The following LGALS13 variants were observed in gnomAD, a reference collection of about 807,000 sequenced individuals.
The protein encoded by LGALS13 is galectin 13, also known as galactoside-binding soluble lectin 13.
A neutral mutation model predicts 13.2 loss-of-function variants in LGALS13; 11 were observed. The observed-to-expected ratio is 0.83, with a 90% CI of 0.52 to 1.38. The LOEUF (loss-of-function observed/expected upper bound fraction) is 1.38. Among genes scored for constraint, LGALS13 ranks in the 40% most tolerant of loss-of-function variants. LGALS13 has a pLI of 0.00. For missense variants in LGALS13, 183 were observed against 174.3 expected (o/e 1.05, Z -0.28); for synonymous variants, 71 against 63.7 (o/e 1.11, Z -0.54).
rs779075511 is a variant in LGALS13, at chr19:39,602,554, A to G, written c.-15A>G. 9.9e-6 allele frequency: 16 copies of G among 1,614,014 alleles called. No individual in the cohort carries two copies. The highest frequency in any genetic ancestry group is 7.7e-5 in the South Asian group (7 of 91,080). On this transcript the variant is annotated 5_prime_UTR_variant, in exon 1 of 4. Coordinates refer to ENST00000221797, the MANE Select transcript of LGALS13 (RefSeq NM_013268.3). ...ACTGGACTCAATTCTGAAGGTCGCC[A>G]AGAAGGAGAGAACAATGTCTTCTTT...
At chr19:39,603,870 T>C in intron 1 of LGALS13, 4 of 889,930 alleles carry the variant, frequency 4.5e-6, no homozygotes, top group Non-Finnish European at 5.4e-6. Context: ...AGAAAAATCA[T>C]CTCATCTACT....
rs553021872 is a variant in LGALS13, at chr19:39,602,580, A to G, written c.12A>G (p.Leu4=). 1 of 1,614,168 alleles carries G rather than the reference A, an allele frequency of 6.2e-7. No individual in the cohort carries two copies. The highest frequency in any genetic ancestry group is 1.1e-5 in the South Asian group (1 of 91,088). ...AGAAGGAGAGAACAATGTCTTCTTT[A>G]CCCGTGAGTTGAAAAGGCACAGCCT... MSS[L]PVPYKLPVSL... The change falls in exon 1 of 4, where the codon TTA becomes TTG. Residue 4 remains leucine, a synonymous_variant. Transcript: ENST00000221797.
At chr19:39,606,465 A>G (rs1428659055) in intron 3 of LGALS13, among the ~76,000 whole-genome samples, 4 of 152,080 alleles carry the variant, frequency 2.6e-5, no homozygotes, top group Non-Finnish European at 4.4e-5. Context: ...GTCATTACCA[A>G]CCTCCCAATA....
At chr19:39,605,013 G>T (rs1333857571) in intron 2 of LGALS13, 165 bp from the exon 3 acceptor site, 3 of 712,488 alleles carry the variant, frequency 4.2e-6, no homozygotes, top group Non-Finnish European at 5.0e-6. Context: ...GAATCTCCCT[G>T]CCTGGGGGCA....
chr19:39,604,522 C>T (rs947392856), intron 1 of LGALS13, 80 bp from the exon 2 acceptor site: 4 of 1,514,938 alleles, frequency 2.6e-6, no homozygotes, highest in Non-Finnish European at 3.7e-6. Flanking sequence ...TCTCCAACCT[C>T]CTGCACCATG....
Position 39,602,555 on chromosome 19 carries a change from A to T in LGALS13, c.-14A>T. 6.2e-7 allele frequency: 1 copy of T among 1,614,046 alleles called. No individual in the cohort carries two copies. The highest frequency in any genetic ancestry group is 8.5e-7 in the Non-Finnish European group (1 of 1,179,840). The stretch of plus-strand genomic sequence containing the variant: ...CTGGACTCAATTCTGAAGGTCGCCA[A>T]GAAGGAGAGAACAATGTCTTCTTTA... On this transcript the variant is annotated 5_prime_UTR_variant, in exon 1 of 4. It adds an upstream start codon to the 5' untranslated region. Transcript: ENST00000221797.
chr19:39,607,071 C>G (rs575468869), intron 3 of LGALS13, 152 bp from the exon 4 acceptor site: 2 of 690,074 alleles, frequency 2.9e-6, no homozygotes, highest in African/African-American at 3.5e-5. Context: ...AGGCACAAAA[C>G]GTCATCTGTA....
chr19:39,606,397 C>T (rs1972689197), intron 3 of LGALS13, among the ~76,000 whole-genome samples: 1 of 152,154 alleles, frequency 6.6e-6, no homozygotes, highest in African/African-American at 2.4e-5. Flanking sequence ...ACTAAATTTC[C>T]TTCCAGTATT....
At position 39,605,424 on chromosome 19, in the gene LGALS13, G is replaced by T. The variant is rs760278322; in HGVS notation, c.303+36G>T. On this transcript the variant is annotated intron_variant, in intron 3 of 3. Coordinates refer to ENST00000221797, the MANE Select transcript of LGALS13 (RefSeq NM_013268.3). Reference sequence around the variant, plus strand: ...CAGGAGCTCCCAGCACCCAGGCTCTGTGGGCTCCCAAAACAGGAGGCAGCT... The same window carrying T: ...CAGGAGCTCCCAGCACCCAGGCTCTTTGGGCTCCCAAAACAGGAGGCAGCT... 1.9e-6 allele frequency: 3 copies of T among 1,570,542 alleles called. No homozygotes were observed. In the Admixed American group the frequency reaches 5.0e-5, roughly 26 times the overall value.
Position 39,605,267 on chromosome 19 carries a change from A to G in LGALS13, c.182A>G (p.His61Arg). The change falls in exon 3 of 4, where the codon CAT becomes CGT. Residue 61 changes from histidine (H) to arginine (R), a missense_variant. Coordinates refer to ENST00000221797, the MANE Select transcript of LGALS13 (RefSeq NM_013268.3). ...CGTTTCCGAGTGCACTTTGGCAATC[A>G]TGTGGTCATGAACAGGCGTGAGTTT... ...AFRFRVHFGN[H>R]VVMNRREFGI... is the part of the protein sequence containing the mutation. The G allele has an allele frequency of 6.2e-7, 1 of 1,614,224 alleles. No individual in the cohort carries two copies. The highest frequency in any genetic ancestry group is 8.5e-7 in the Non-Finnish European group (1 of 1,180,020).
At chr19:39,606,229 G>A (rs1972686567) in intron 3 of LGALS13, among the ~76,000 whole-genome samples, 2 of 152,170 alleles carry the variant, frequency 1.3e-5, no homozygotes, top group African/African-American at 2.4e-5. Flanking sequence ...GGTATAAGTT[G>A]CTCTACACAT....
At chr19:39,604,151 T>C (rs1789398791) in intron 1 of LGALS13, 2 of 317,604 alleles carry the variant, frequency 6.3e-6, no homozygotes, top group Non-Finnish European at 9.1e-6. Flanking sequence ...ATTTTCAGAG[T>C]TGAAAATGAA....
intron 3 of LGALS13, among the ~76,000 whole-genome samples, chr19:39,606,983 CTT>C (rs1323858446): frequency 2.0e-5 from 3 of 152,208 alleles, no homozygotes; most frequent in Admixed American, 2.0e-4. Context: ...TAAGCAAAGA[CTT>C]TGTGACACAG....
chr19:39,603,229 G>A (rs1600798301), intron 1 of LGALS13, among the ~76,000 whole-genome samples: 3 of 152,232 alleles, frequency 2.0e-5, no homozygotes, highest in South Asian at 4.1e-4. Context: ...TGTATGATCA[G>A]TAGATGTCTC....
At chr19:39,605,058 A>G in intron 2 of LGALS13, 120 bp from the exon 3 acceptor site, 2 of 845,294 alleles carry the variant, frequency 2.4e-6, no homozygotes, top group South Asian at 2.9e-5. Context: ...GGACCTGGCC[A>G]TCAGTATTAT....
rs758633844 is a variant in LGALS13, at chr19:39,602,564, G to T, written c.-5G>T. ...ATTCTGAAGGTCGCCAAGAAGGAGA[G>T]AACAATGTCTTCTTTACCCGTGAGT... On this transcript the variant is annotated 5_prime_UTR_variant, in exon 1 of 4. Coordinates refer to ENST00000221797, the MANE Select transcript of LGALS13 (RefSeq NM_013268.3). 16 of 1,613,974 alleles carry T rather than the reference G, an allele frequency of 9.9e-6. No individual in the cohort carries two copies. Among genetic ancestry groups the T allele is most frequent in the Non-Finnish European group, 1.1e-5 (13 of 1,179,946 alleles).
Position 39,605,193 on chromosome 19 carries a change from G to A in LGALS13, c.108G>A (p.Leu36=), listed in dbSNP as rs1030038183. The part of the protein sequence containing the change: ...PIHSFINDPQ[L]QVDFYTDMDE... ...TCACCCTCAGCAATGACCCACAGCT[G>A]CAGGTGGATTTCTACACTGACATGG... Residue 36 remains leucine, a synonymous_variant, in exon 3 of 4, where the codon CTG becomes CTA. Coordinates refer to ENST00000221797, the MANE Select transcript of LGALS13 (RefSeq NM_013268.3). The A allele has an allele frequency of 3.7e-6, 6 of 1,614,214 alleles. No individual in the cohort carries two copies. Among genetic ancestry groups the A allele is most frequent in the Non-Finnish European group, 5.1e-6 (6 of 1,180,028 alleles).
At chr19:39,602,784 C>A (rs1056541875) in intron 1 of LGALS13, among the ~76,000 whole-genome samples, 4 of 152,136 alleles carry the variant, frequency 2.6e-5, no homozygotes, top group African/African-American at 4.8e-5. Flanking sequence ...ACCAGTGTAA[C>A]CTTCGGTGAG....
intron 2 of LGALS13, 109 bp downstream of exon 2, chr19:39,604,787 GC>G: frequency 7.4e-7 from 1 of 1,347,300 alleles, no homozygotes; most frequent in Non-Finnish European, 1.1e-6. Flanking sequence ...CAGAATGGAG[GC>G]CCCATGCAGG....
Sources: gnomAD v4.1 joint callset for allele counts (sites outside exome capture counted in the v4.1 genomes callset) on GRCh38, gnomAD v4.1.1 for gene constraint, MANE v1.5 for transcripts, NCBI Gene and HGNC (gene_info 2026-07-23, HGNC 2026-07-21) for gene names.